The following CHRDL1 variants were observed in gnomAD, a reference collection of about 807,000 sequenced individuals.
The protein encoded by CHRDL1 is chordin-like protein 1.
In CHRDL1, 19 loss-of-function variants were observed where a neutral mutation model predicts 40.9. The observed-to-expected ratio is 0.46, with a 90% CI of 0.32 to 0.68. The LOEUF (loss-of-function observed/expected upper bound fraction) is 0.68. Among genes scored for constraint, CHRDL1 ranks in the 30% least tolerant of loss-of-function variants. The probability of loss-of-function intolerance (pLI) is 0.03; values close to 1 mark genes in which losing one functional copy is unlikely to be tolerated. For synonymous variants in CHRDL1, 136 were observed against 123.4 expected, an observed-to-expected ratio of 1.10 and a Z score of -0.68; for missense variants, 329 against 352.1, an observed-to-expected ratio of 0.93 and a Z score of 0.53.
At chrX:110,680,246 T>C (rs1351742393) in intron 10 of CHRDL1, among the ~76,000 whole-genome samples, 1 of 111,754 alleles carries the variant, frequency 8.9e-6, no homozygotes, top group African/African-American at 3.3e-5. Context: ...GGATGACGAA[T>C]AGTGGGCCCA....
chrX:110,760,761 G>C (rs1212380788), intron 3 of CHRDL1, among the ~76,000 whole-genome samples: 1 of 111,789 alleles, frequency 8.9e-6, no homozygotes, highest in Non-Finnish European at 1.9e-5. Context: ...AATTGGAATT[G>C]CCTTATCCCA....
intron 6 of CHRDL1, among the ~76,000 whole-genome samples, chrX:110,712,222 G>A (rs1324509727): frequency 8.9e-6 from 1 of 112,354 alleles, no homozygotes; most frequent in Non-Finnish European, 1.9e-5. Flanking sequence ...AGATCAATGA[G>A]AACTAGAGTG....
intron 10 of CHRDL1, among the ~76,000 whole-genome samples, chrX:110,680,682 A>G (rs5942674): frequency 0.52 from 57,025 of 110,713 alleles, 13,245 homozygotes; most frequent in African/African-American, 0.89. Context: ...GTGAGAGCCA[A>G]TAGCAAAAAG....
At chrX:110,758,956 G>A (rs974698214) in intron 4 of CHRDL1, among the ~76,000 whole-genome samples, 17 of 111,606 alleles carry the variant, frequency 1.5e-4, no homozygotes, top group Non-Finnish European at 2.6e-4. Context: ...TTGCCACTGG[G>A]CCCACAGGCA....
intron 4 of CHRDL1, among the ~76,000 whole-genome samples, chrX:110,746,660 C>T (rs1016605879): frequency 9.0e-6 from 1 of 111,258 alleles, no homozygotes; most frequent in African/African-American, 3.3e-5. Context: ...TCATCTTTTC[C>T]CTGAGGCTGG....
chrX:110,779,973 A>T (rs2089914837), intron 2 of CHRDL1, among the ~76,000 whole-genome samples: 1 of 111,417 alleles, frequency 9.0e-6, no homozygotes, highest in Non-Finnish European at 1.9e-5. Context: ...TTCAAATTCC[A>T]CTTGTTAATT....
chrX:110,756,603 T>C (rs1440299275), intron 4 of CHRDL1, among the ~76,000 whole-genome samples: 2 of 110,455 alleles, frequency 1.8e-5, no homozygotes, highest in Non-Finnish European at 3.8e-5. Flanking sequence ...CCAAACCGAG[T>C]CATTAATATA....
intron 5 of CHRDL1, among the ~76,000 whole-genome samples, chrX:110,720,435 G>C (rs916255001): frequency 1.8e-4 from 20 of 111,782 alleles, no homozygotes; most frequent in African/African-American, 6.5e-4. Context: ...CAAGGGAGAG[G>C]ATAAAATTTA....
At chrX:110,681,381 A>C (rs1425142238) in intron 10 of CHRDL1, 101 bp downstream of exon 10, 8 of 665,302 alleles carry the variant, frequency 1.2e-5, no homozygotes, top group Non-Finnish European at 1.9e-5. Context: ...AAGAACTTTT[A>C]ATCCAAATGA....
At chrX:110,688,954 C>T (rs781423349) in intron 8 of CHRDL1, 151 bp from the exon 9 acceptor site, 30 of 433,724 alleles carry the variant, frequency 6.9e-5, no homozygotes, top group Non-Finnish European at 9.7e-5. Context: ...GTATCTGTGA[C>T]CAAAAAACAG....
At position 110,706,659 on chromosome X, in the gene CHRDL1, A is replaced by G. The variant is rs183852841; in HGVS notation, c.542-5938T>C. ...TGTACAATGAGATTCCGAGATACCC[A>G]TGAAGATAAGCCTCAGAGAGCAAAA... On this transcript the variant is annotated intron_variant, in intron 6 of 11. Coordinates refer to ENST00000372042, the MANE Select transcript of CHRDL1 (RefSeq NM_001143981.2). Among the ~76,000 whole-genome samples the G allele has an allele frequency of 1.2e-4, 14 of 112,217 alleles. No individual in the cohort carries two copies. The East Asian group carries it at 3.6e-3, about 29-fold the overall frequency.
rs1362397366 is a variant in CHRDL1, at chrX:110,689,500, CTATATA to C, written c.779-703_779-698del. Among the ~76,000 whole-genome samples the C allele has an allele frequency of 6.5e-5, 3 of 46,306 alleles. No individual in the cohort carries two copies. In the African/African-American group the frequency reaches 8.4e-4, roughly 13 times the overall value. 40.2% of individuals were successfully genotyped at this position (46,306 alleles called of 115,157 possible). On this transcript the variant is annotated intron_variant, in intron 8 of 11. Coordinates refer to ENST00000372042, the MANE Select transcript of CHRDL1 (RefSeq NM_001143981.2). Reference sequence around the variant, plus strand: ...TCTATATATCTATATCTCTATATATCTATATATCTATATCTCTATATATCTATCTAT... The same window carrying C: ...TCTATATATCTATATCTCTATATATCTCTATATCTCTATATATCTATCTAT...
chrX:110,771,742 C>T (rs2089763637), intron 2 of CHRDL1, among the ~76,000 whole-genome samples: 1 of 111,639 alleles, frequency 9.0e-6, no homozygotes, highest in South Asian at 3.8e-4. Context: ...CAAGAGACTG[C>T]TTTACCCCTA....
chrX:110,699,251 G>T (rs953824725), intron 7 of CHRDL1, among the ~76,000 whole-genome samples: 1 of 111,651 alleles, frequency 9.0e-6, no homozygotes, highest in African/African-American at 3.3e-5. Context: ...CTTTGGGTTG[G>T]GTGTTGGCAA....
intron 4 of CHRDL1, among the ~76,000 whole-genome samples, chrX:110,745,745 G>T (rs1239560973): frequency 8.9e-6 from 1 of 111,921 alleles, no homozygotes. Flanking sequence ...GTCGAGGCAG[G>T]AACTCTGAAA....
intron 4 of CHRDL1, among the ~76,000 whole-genome samples, chrX:110,741,161 T>C (rs1198192651): frequency 9.0e-6 from 1 of 111,698 alleles, no homozygotes; most frequent in Non-Finnish European, 1.9e-5. Flanking sequence ...AAATCAAAAG[T>C]TGGTACCAGC....
chrX:110,773,162 G>T (rs2089786946), intron 2 of CHRDL1, among the ~76,000 whole-genome samples: 1 of 111,843 alleles, frequency 8.9e-6, no homozygotes, highest in Non-Finnish European at 1.9e-5. Context: ...TCCCAGGGTG[G>T]TAGTCTGTAT....
chrX:110,765,354 G>C (rs2089640630), intron 2 of CHRDL1, among the ~76,000 whole-genome samples: 1 of 112,011 alleles, frequency 8.9e-6, no homozygotes, highest in Non-Finnish European at 1.9e-5. Flanking sequence ...AACCTACGTT[G>C]AAATATTGGT....
intron 2 of CHRDL1, among the ~76,000 whole-genome samples, chrX:110,771,444 A>G (rs1410903200): frequency 8.9e-6 from 1 of 112,506 alleles, no homozygotes; most frequent in East Asian, 2.8e-4. Context: ...CAAAATTTTA[A>G]CAAACTAAAT....
Sources: gnomAD v4.1 joint callset for allele counts (sites outside exome capture counted in the v4.1 genomes callset) on GRCh38, gnomAD v4.1.1 for gene constraint, MANE v1.5 for transcripts, NCBI Gene and HGNC (gene_info 2026-07-23, HGNC 2026-07-21) for gene names.